Variants in ZNRF2 observed in about 807,000 individuals in gnomAD.
ZNRF2 encodes E3 ubiquitin-protein ligase ZNRF2.
A neutral mutation model predicts 20.4 loss-of-function variants in ZNRF2; 16 were observed. The ratio of observed to expected loss-of-function variants is 0.79; its 90% CI spans 0.53 to 1.19. The LOEUF (loss-of-function observed/expected upper bound fraction) is 1.19, where lower values mean the gene tolerates loss of function less well. ZNRF2 is among the 50% of genes most tolerant of loss of function. ZNRF2 has a pLI of 0.00. For synonymous variants in ZNRF2, 178 were observed against 144.9 expected, an observed-to-expected ratio of 1.23 and a Z score of -1.64; for missense variants, 363 against 332.4, an observed-to-expected ratio of 1.09 and a Z score of -0.72.
chr7:30,348,174 T>TAAAAA lies in ZNRF2; in HGVS notation c.566-7538_566-7534dup, dbSNP rs551400861. On this transcript the variant is annotated intron_variant, in intron 2 of 4. Coordinates refer to ENST00000323037, the MANE Select transcript of ZNRF2 (RefSeq NM_147128.4). Reference sequence around the variant, plus strand: ...AAGAAGTCAATACACTTAAAAATGTTAAAAAAAAAAAAAAAAAAAAGATCT... The same window carrying TAAAAA: ...AAGAAGTCAATACACTTAAAAATGTTAAAAAAAAAAAAAAAAAAAAAAAAAGATCT... Among the ~76,000 whole-genome samples, 215 of 114,898 alleles carry TAAAAA rather than the reference T, an allele frequency of 1.9e-3. 1 individual carries two copies. Among genetic ancestry groups the TAAAAA allele is most frequent in the African/African-American group, 6.4e-3 (205 of 32,228 alleles). 75.4% of individuals were successfully genotyped at this position (114,898 alleles called of 152,430 possible). A position where few individuals can be genotyped will look rare whatever the true frequency, so the allele number is the denominator to read the frequency against.
At chr7:30,327,050 C>A (rs1037780531) in intron 2 of ZNRF2, among the ~76,000 whole-genome samples, 1 of 151,936 alleles carries the variant, frequency 6.6e-6, no homozygotes. Context: ...TCAGATGCTT[C>A]GTTTGCAAAA....
intron 1 of ZNRF2, among the ~76,000 whole-genome samples, chr7:30,309,506 T>C (rs536401667): frequency 3.7e-4 from 56 of 152,332 alleles, no homozygotes; most frequent in Middle Eastern, 6.8e-3. Context: ...ATACAAACTT[T>C]CACATCTGTC....
intron 1 of ZNRF2, among the ~76,000 whole-genome samples, chr7:30,291,150 T>C (rs1431224500): frequency 6.6e-6 from 1 of 152,088 alleles, no homozygotes. Flanking sequence ...CACAAAAGTG[T>C]GGGTTTTGAT....
chr7:30,315,383 G>C (rs1799353683), intron 1 of ZNRF2, among the ~76,000 whole-genome samples: 1 of 152,172 alleles, frequency 6.6e-6, no homozygotes, highest in Non-Finnish European at 1.5e-5. Context: ...TAAATGCTAT[G>C]AGAGAGATCT....
chr7:30,323,574 A>T (rs1188194292), intron 1 of ZNRF2, 68 bp from the exon 2 acceptor site: 3 of 1,065,544 alleles, frequency 2.8e-6, no homozygotes. Context: ...TTGATTTTCC[A>T]TGCTTTTTAA....
At chr7:30,301,851 C>T (rs1240432992) in intron 1 of ZNRF2, among the ~76,000 whole-genome samples, 1 of 152,098 alleles carries the variant, frequency 6.6e-6, no homozygotes, top group African/African-American at 2.4e-5. Flanking sequence ...GCAGGGTCCT[C>T]TTGTAGGCTA....
chr7:30,326,659 G>A (rs1215145146), intron 2 of ZNRF2, among the ~76,000 whole-genome samples: 2 of 152,134 alleles, frequency 1.3e-5, no homozygotes, highest in Admixed American at 6.5e-5. Context: ...CCCAGTAGTG[G>A]GATTGATGGG....
intron 1 of ZNRF2, among the ~76,000 whole-genome samples, chr7:30,301,216 C>G (rs111776913): frequency 0.011 from 1,724 of 152,298 alleles, 16 homozygotes; most frequent in South Asian, 0.035. Flanking sequence ...GGTGCCGTGG[C>G]TCAAGCCTGT....
At chr7:30,337,982 A>G (rs1799741691) in intron 2 of ZNRF2, among the ~76,000 whole-genome samples, 1 of 152,142 alleles carries the variant, frequency 6.6e-6, no homozygotes, top group South Asian at 2.1e-4. Context: ...TACACTTTAC[A>G]CTGTGATACC....
chr7:30,336,500 AAATAATGAAAGTATT>A (rs557672431), intron 2 of ZNRF2, among the ~76,000 whole-genome samples: 28 of 152,324 alleles, frequency 1.8e-4, no homozygotes, highest in Admixed American at 1.7e-3. Context: ...TAATAAAGGA[AAATAATGAAAGTATT>A]AATAATGAAA....
chr7:30,337,439 T>C lies in ZNRF2; in HGVS notation c.565+13702T>C, dbSNP rs368009802. Among the ~76,000 whole-genome samples, 418 of 150,324 alleles carry C rather than the reference T, an allele frequency of 2.8e-3. 2 individuals are homozygous for C. The highest frequency in any genetic ancestry group is 5.0e-3 in the Non-Finnish European group (331 of 66,588). On this transcript the variant is annotated intron_variant, in intron 2 of 4. Coordinates refer to ENST00000323037, the MANE Select transcript of ZNRF2 (RefSeq NM_147128.4). ...CATAGCAATAGCCAGAATATTAGCA[T>C]TTTTTTGTATCAGTTCCTTAAGGCC...
intron 2 of ZNRF2, among the ~76,000 whole-genome samples, chr7:30,332,610 T>G (rs1799653199): frequency 6.6e-6 from 1 of 152,216 alleles, no homozygotes; most frequent in Admixed American, 6.5e-5. Flanking sequence ...CATTTATAAG[T>G]GAGAACATGG....
chr7:30,348,060 A>G (rs1390075639), intron 2 of ZNRF2, among the ~76,000 whole-genome samples: 2 of 152,130 alleles, frequency 1.3e-5, no homozygotes, highest in African/African-American at 2.4e-5. Flanking sequence ...CACATATACT[A>G]ATAAACATGC....
Position 30,355,730 on chromosome 7 carries a change from G to C in ZNRF2, c.568G>C (p.Asp190His). The C allele has an allele frequency of 6.2e-7, 1 of 1,609,242 alleles. No individual in the cohort carries two copies. Among genetic ancestry groups the C allele is most frequent in the Non-Finnish European group, 8.5e-7 (1 of 1,176,206 alleles). ...LTKPRITYNE[D>H]VLSKDAGECA... Reference sequence around the variant, plus strand: ...GAATTCATTTTCTCTTTCTTCAGAGGATGTACTGAGTAAAGATGCTGGGGA... The same window carrying C: ...GAATTCATTTTCTCTTTCTTCAGAGCATGTACTGAGTAAAGATGCTGGGGA... Residue 190 changes from aspartate (D) to histidine (H), a missense_variant and splice_region_variant, in exon 3 of 5, where the codon GAT becomes CAT. Physicochemically the swap from Asp to His is moderately conservative, Grantham distance 81 (BLOSUM62 -1). This residue lies in a region of ZNRF2 where 61 missense variants were observed against 100.9 expected (regional missense o/e 0.60). Coordinates refer to ENST00000323037, the MANE Select transcript of ZNRF2 (RefSeq NM_147128.4).
intron 2 of ZNRF2, among the ~76,000 whole-genome samples, chr7:30,325,076 C>G: frequency 6.6e-6 from 1 of 151,962 alleles, no homozygotes; most frequent in East Asian, 1.9e-4. Context: ...CTAGATATTC[C>G]AAAACCTAGG....
chr7:30,294,786 G>GA (rs530331464), intron 1 of ZNRF2, among the ~76,000 whole-genome samples: 3 of 150,354 alleles, frequency 2.0e-5, no homozygotes, highest in South Asian at 2.1e-4. Context: ...CTCCATCTCA[G>GA]AAAAAAAAAG....
At chr7:30,292,637 G>A (rs1798931762) in intron 1 of ZNRF2, among the ~76,000 whole-genome samples, 1 of 152,076 alleles carries the variant, frequency 6.6e-6, no homozygotes, top group Non-Finnish European at 1.5e-5. Flanking sequence ...TTTTAAGGAT[G>A]ACCTCACTGA....
intron 2 of ZNRF2, among the ~76,000 whole-genome samples, chr7:30,352,796 A>G (rs1470807204): frequency 6.6e-6 from 1 of 152,038 alleles, no homozygotes; most frequent in Non-Finnish European, 1.5e-5. Flanking sequence ...AATGTTTTCA[A>G]CTGATCTTTA....
intron 1 of ZNRF2, among the ~76,000 whole-genome samples, chr7:30,287,148 G>T (rs1798807005): frequency 6.6e-6 from 1 of 152,110 alleles, no homozygotes; most frequent in South Asian, 2.1e-4. Flanking sequence ...ATTTTTAAAA[G>T]TCATTTGCTT....
Sources: allele counts gnomAD v4.1 joint callset (sites outside exome capture counted in the v4.1 genomes callset), GRCh38; gene constraint gnomAD v4.1.1; regional missense constraint gnomAD v4.1.1; transcripts MANE v1.5; gene names NCBI Gene and HGNC (gene_info 2026-07-23, HGNC 2026-07-21).